ATL2: variants seen among roughly 807,000 people sequenced by gnomAD.
The protein encoded by ATL2 is atlastin-2.
Under a neutral mutation model 73.9 loss-of-function variants are expected in ATL2, and 31 were observed. The ratio of observed to expected loss-of-function variants is 0.42; its 90% CI spans 0.32 to 0.57. The LOEUF (loss-of-function observed/expected upper bound fraction) is 0.57, where lower values mean the gene tolerates loss of function less well. Among genes scored for constraint, ATL2 ranks in the 20% least tolerant of loss-of-function variants. ATL2 has a pLI of 0.14. For missense variants in ATL2, 738 were observed against 702.6 expected, an observed-to-expected ratio of 1.05 and a Z score of -0.57; for synonymous variants, 291 against 237.5, an observed-to-expected ratio of 1.23 and a Z score of -2.07.
chr2:38,347,798 GCT>G (rs1558437347), intron 1 of ATL2, among the ~76,000 whole-genome samples: 2 of 140,204 alleles, frequency 1.4e-5, no homozygotes, highest in African/African-American at 5.5e-5. Context: ...AAGGCAGAGC[GCT>G]CTGTCACCCA....
chr2:38,343,192 T>G (rs1309449786), intron 2 of ATL2, 76 bp downstream of exon 2: 5 of 1,028,550 alleles, frequency 4.9e-6, no homozygotes, highest in Non-Finnish European at 7.0e-6. Context: ...ATAGTTCTGG[T>G]TTTTGTCTAT....
chr2:38,304,517 T>C (rs1032291798), intron 9 of ATL2, among the ~76,000 whole-genome samples: 1 of 152,152 alleles, frequency 6.6e-6, no homozygotes, highest in African/African-American at 2.4e-5. Flanking sequence ...ATAATTGTGG[T>C]GTGTAAACAA....
intron 12 of ATL2, 112 bp downstream of exon 12, chr2:38,298,032 T>A (rs967906173): frequency 2.1e-6 from 2 of 956,580 alleles, no homozygotes; most frequent in African/African-American, 1.7e-5. Context: ...ACAGAAGACA[T>A]CCTTTTGACA....
Position 38,298,444 on chromosome 2 carries a change from A to G in ATL2, c.1332T>C (p.Tyr444=), listed in dbSNP as rs1667018425. Residue 444 remains tyrosine (Y), a synonymous_variant, in exon 12 of 13, where the codon TAT becomes TAC. Coordinates refer to ENST00000378954, the MANE Select transcript of ATL2 (RefSeq NM_001135673.4). ...CAATTTCAGCTTCAAGCTGGTCCTG[A>G]TAACGACGGCAGAACTCATCTCCAC... The part of the protein sequence containing the change: ...KMGGDEFCRR[Y]QDQLEAEIEE... 1 of 1,614,068 alleles carries G rather than the reference A, an allele frequency of 6.2e-7. No individual in the cohort carries two copies. Among genetic ancestry groups the G allele is most frequent in the Non-Finnish European group, 8.5e-7 (1 of 1,180,020 alleles).
Position 38,296,114 on chromosome 2 carries a change from C to A in ATL2, c.1633-1G>T. On this transcript the variant is annotated splice_acceptor_variant, in intron 12 of 12. Transcript: ENST00000378954. LOFTEE classifies it high-confidence loss of function. ...AATTATCACCCAGGGGCTTCAATAC[C>A]TGTGGTATGAGAAATGTGCAAAACA... The A allele has an allele frequency of 6.5e-7, 1 of 1,548,516 alleles. No individual in the cohort carries two copies. The highest frequency in any genetic ancestry group is 1.7e-4 in the Middle Eastern group (1 of 5,978).
chr2:38,374,284 A>G (rs1266922469), intron 1 of ATL2, among the ~76,000 whole-genome samples: 1 of 152,238 alleles, frequency 6.6e-6, no homozygotes, highest in Non-Finnish European at 1.5e-5. Flanking sequence ...AAACTACTAA[A>G]GTAATGAATT....
At chr2:38,367,408 C>A (rs1318445115) in intron 1 of ATL2, among the ~76,000 whole-genome samples, 6 of 151,106 alleles carry the variant, frequency 4.0e-5, no homozygotes, top group Non-Finnish European at 7.4e-5. Context: ...TCGAGAACAT[C>A]CTGGCTAACA....
rs913479336 is a variant in ATL2 at position 38,294,991 on chromosome 2, C to A, written c.*1003G>T. ...TCACAATAAACATTCCCATTGAATT[C>A]CCTTGGTGGGCGGGGGGGGGGTGAG... On this transcript the variant is annotated 3_prime_UTR_variant, in exon 13 of 13. Transcript: ENST00000378954. The A allele has an allele frequency of 5.5e-5, 4 of 72,934 alleles. No individual in the cohort carries two copies. The highest frequency in any genetic ancestry group is 1.8e-4 in the Admixed American group (1 of 5,478). The allele number at this position is 72,934 out of a possible 1,614,324, so 4.5% of individuals were successfully genotyped here.
chr2:38,324,333 A>G (rs1308383096), intron 2 of ATL2, among the ~76,000 whole-genome samples: 1 of 152,214 alleles, frequency 6.6e-6, no homozygotes, highest in Non-Finnish European at 1.5e-5. Context: ...CCCTAGTTGC[A>G]TGACATTCCC....
chr2:38,351,029 AC>A (rs1670306503), intron 1 of ATL2, among the ~76,000 whole-genome samples: 1 of 152,264 alleles, frequency 6.6e-6, no homozygotes, highest in Non-Finnish European at 1.5e-5. Flanking sequence ...TAAAAAGAGA[AC>A]AAAGAATAAT....
chr2:38,305,922 T>C (rs535170120), intron 9 of ATL2, among the ~76,000 whole-genome samples: 118 of 151,504 alleles, frequency 7.8e-4, no homozygotes, highest in African/African-American at 2.7e-3. Flanking sequence ...GTTAGCGAAA[T>C]TGAAATAAAA....
In ATL2 at chr2:38,319,128, C is replaced by T. The variant is rs1374483552; in HGVS notation, c.364-109G>A. ...GATGGGGAAGCTAAACCCGGAAAGA[C>T]AAAAAAAACACTGTGTAACAAACAA... On this transcript the variant is annotated intron_variant, in intron 2 of 12. Transcript: ENST00000378954. 3 of 1,151,070 alleles carry T rather than the reference C, an allele frequency of 2.6e-6. No individual in the cohort carries two copies. In the East Asian group the frequency reaches 7.1e-5, roughly 27 times the overall value. 71.3% of individuals were successfully genotyped at this position (1,151,070 alleles called of 1,614,324 possible).
At chr2:38,356,879 G>A (rs73931208) in intron 1 of ATL2, among the ~76,000 whole-genome samples, 18,598 of 152,134 alleles carry the variant, frequency 0.12, 3,369 homozygotes, top group African/African-American at 0.4. Context: ...TTAAAGAAAT[G>A]TTTAAATTAC....
In ATL2 at chr2:38,377,212, G is replaced by T. The variant is rs1357883363; in HGVS notation, c.49C>A (p.Leu17Met). ...AARGQQPHQG[L>M]WRRRRTSDPS... ...TCGCTGGTCCGTCGCCGGCGCCACA[G>T]CCCCTGGTGCGGTTGCTGCCCTCGC... Residue 17 changes from leucine (L) to methionine (M), a missense_variant, in exon 1 of 13, where the codon CTG becomes ATG. Coordinates refer to ENST00000378954, the MANE Select transcript of ATL2 (RefSeq NM_001135673.4). The T allele has an allele frequency of 1.2e-6, 2 of 1,608,030 alleles. No individual in the cohort carries two copies. Among genetic ancestry groups the T allele is most frequent in the Non-Finnish European group, 8.5e-7 (1 of 1,178,170 alleles).
chr2:38,365,108 G>A (rs1178611587), intron 1 of ATL2, among the ~76,000 whole-genome samples: 1 of 149,564 alleles, frequency 6.7e-6, no homozygotes, highest in East Asian at 2.0e-4. Flanking sequence ...TCTGAAATTT[G>A]GGATAGCCAG....
rs755013637 is a variant in ATL2, at chr2:38,343,471, C to A, written c.160G>T (p.Val54Phe). ...TGTACTGGACATGGTTTCTTCATAA[C>A]CTCATCAGAATTTACTAGGTCATCA... The part of the protein sequence containing the change: ...EDDDLVNSDE[V>F]MKKPCPVQIV... The change falls in exon 2 of 13, where the codon GTT becomes TTT. Residue 54 changes from valine to phenylalanine, a missense_variant. Coordinates refer to ENST00000378954, the MANE Select transcript of ATL2 (RefSeq NM_001135673.4). 7.5e-6 allele frequency: 12 copies of A among 1,609,182 alleles called. No individual in the cohort carries two copies. Among genetic ancestry groups the A allele is most frequent in the Non-Finnish European group, 1.0e-5 (12 of 1,177,182 alleles).
intron 2 of ATL2, among the ~76,000 whole-genome samples, chr2:38,342,205 T>C (rs769231869): frequency 6.6e-6 from 1 of 151,982 alleles, no homozygotes; most frequent in Non-Finnish European, 1.5e-5. Flanking sequence ...AGTGAAAATG[T>C]ATAGAAGGGA....
chr2:38,358,003 T>C (rs1399109024), intron 1 of ATL2, among the ~76,000 whole-genome samples: 1 of 152,180 alleles, frequency 6.6e-6, no homozygotes, highest in Non-Finnish European at 1.5e-5. Flanking sequence ...AAGCTTAACA[T>C]GAATACACAT....
At chr2:38,325,701 C>CACACCAGT (rs1668600540) in intron 2 of ATL2, among the ~76,000 whole-genome samples, 1 of 41,608 alleles carries the variant, frequency 2.4e-5, no homozygotes, top group Non-Finnish European at 4.3e-5. Context: ...CACACCAGTA[C>CACACCAGT]ACACACACAC....
Sources: allele counts gnomAD v4.1 joint callset (sites outside exome capture counted in the v4.1 genomes callset), GRCh38; gene constraint gnomAD v4.1.1; transcripts MANE v1.5; gene names NCBI Gene and HGNC (gene_info 2026-07-23, HGNC 2026-07-21).